Variants in TRAPPC8 observed in about 807,000 individuals in gnomAD.
The protein encoded by TRAPPC8 is trafficking protein particle complex subunit 8.
Under a neutral mutation model 174.3 loss-of-function variants are expected in TRAPPC8, and 54 were observed. The ratio of observed to expected loss-of-function variants is 0.31; its 90% CI spans 0.25 to 0.39. The LOEUF is 0.39. Ranked by LOEUF, TRAPPC8 falls within the 10% of genes least tolerant of loss-of-function variation. TRAPPC8 has a pLI of 1.00. For synonymous variants in TRAPPC8, 630 were observed against 579.9 expected, an observed-to-expected ratio of 1.09 and a Z score of -1.24; for missense variants, 1,531 against 1,699.1, an observed-to-expected ratio of 0.90 and a Z score of 1.74.
chr18:31,900,857 GAAAAA>G, intron 10 of TRAPPC8, 63 bp downstream of exon 10: 17 of 989,718 alleles, frequency 1.7e-5, no homozygotes, highest in South Asian at 5.1e-5. Context: ...TAGGAATGGG[GAAAAA>G]AAAAAAAAAA....
In TRAPPC8 at chr18:31,849,556, T is replaced by C; in HGVS notation, c.3735+10A>G. 6.4e-7 allele frequency: 1 copy of C among 1,573,356 alleles called. No homozygotes were observed. Among genetic ancestry groups the C allele is most frequent in the Non-Finnish European group, 8.6e-7 (1 of 1,159,480 alleles). On this transcript the variant is annotated intron_variant, in intron 25 of 28. Transcript: ENST00000283351. The stretch of plus-strand genomic sequence containing the variant: ...AGTGAGGCTTGCTGAAATAATTTAG[T>C]AGCACATACCTTCCATAATATGACA...
intron 12 of TRAPPC8, among the ~76,000 whole-genome samples, chr18:31,889,878 C>A (rs1183221559): frequency 6.6e-6 from 1 of 152,014 alleles, no homozygotes; most frequent in Admixed American, 6.6e-5. Flanking sequence ...CTTCTTTGTA[C>A]CTTTGAAATA....
chr18:31,875,265 T>C (rs553295501), intron 12 of TRAPPC8, among the ~76,000 whole-genome samples: 1 of 151,438 alleles, frequency 6.6e-6, no homozygotes, highest in Admixed American at 6.6e-5. Flanking sequence ...GAGACTTACA[T>C]TGAATGTATG....
At position 31,897,903 on chromosome 18, in the gene TRAPPC8, A is replaced by G; in HGVS notation, c.1491-12T>C. Reference sequence around the variant, plus strand: ...CCAACACCATATTCCTATAGAAAAAAGGACAAGAAGATAAAATAGCACAAT... The same window carrying G: ...CCAACACCATATTCCTATAGAAAAAGGGACAAGAAGATAAAATAGCACAAT... On this transcript the variant is annotated splice_polypyrimidine_tract_variant and intron_variant, in intron 10 of 28. Transcript: ENST00000283351. The G allele has an allele frequency of 6.2e-7, 1 of 1,603,986 alleles. No homozygotes were observed. The highest frequency in any genetic ancestry group is 1.7e-5 in the Admixed American group (1 of 58,876).
At chr18:31,913,924 G>C (rs1238538968) in intron 4 of TRAPPC8, among the ~76,000 whole-genome samples, 1 of 151,986 alleles carries the variant, frequency 6.6e-6, no homozygotes, top group Non-Finnish European at 1.5e-5. Flanking sequence ...CCAGCACTTT[G>C]GAAGGCCAAG....
intron 11 of TRAPPC8, among the ~76,000 whole-genome samples, chr18:31,897,448 A>T (rs2036230422): frequency 6.6e-6 from 1 of 152,226 alleles, no homozygotes; most frequent in South Asian, 2.1e-4. Context: ...GAGTAACAAA[A>T]AATAAAATAT....
chr18:31,838,444 C>T (rs1040014521), intron 27 of TRAPPC8, among the ~76,000 whole-genome samples: 4 of 152,164 alleles, frequency 2.6e-5, no homozygotes, highest in Non-Finnish European at 5.9e-5. Flanking sequence ...TTGTTAGTTT[C>T]CCTGTATCTC....
intron 11 of TRAPPC8, among the ~76,000 whole-genome samples, chr18:31,892,464 G>A (rs932037473): frequency 6.6e-6 from 1 of 151,902 alleles, no homozygotes; most frequent in Non-Finnish European, 1.5e-5. Flanking sequence ...CTAAATTACC[G>A]ATTGTTTCAT....
At chr18:31,915,755 C>T (rs1403206594) in intron 4 of TRAPPC8, among the ~76,000 whole-genome samples, 5 of 151,866 alleles carry the variant, frequency 3.3e-5, no homozygotes, top group Admixed American at 2.0e-4. Flanking sequence ...GGTGCAGTGG[C>T]GGGCGCCTGT....
intron 5 of TRAPPC8, among the ~76,000 whole-genome samples, chr18:31,910,536 T>C (rs1470737380): frequency 6.6e-6 from 1 of 152,058 alleles, no homozygotes. Context: ...AAAACTAACA[T>C]AGTCACTCCC....
intron 22 of TRAPPC8, 135 bp downstream of exon 22, chr18:31,853,714 T>G: frequency 4.9e-6 from 3 of 611,342 alleles, no homozygotes; most frequent in Non-Finnish European, 8.2e-6. Flanking sequence ...GACTTACAGT[T>G]AGGTAAACTA....
chr18:31,889,982 A>T (rs2035884584), intron 12 of TRAPPC8, among the ~76,000 whole-genome samples: 1 of 152,246 alleles, frequency 6.6e-6, no homozygotes, highest in Admixed American at 6.5e-5. Context: ...TAGTAAATTC[A>T]TATTAACTAA....
rs367826325 is a variant in TRAPPC8, at chr18:31,886,245, G to A, written c.1728+4490C>T. On this transcript the variant is annotated intron_variant, in intron 12 of 28. Transcript: ENST00000283351. ...ACTGGTCTCGAACTCCTGACCTCAG[G>A]TGATCAGCCCACCTTGGCCTCTCAA... Among the ~76,000 whole-genome samples, 7 of 150,852 alleles carry A rather than the reference G, an allele frequency of 4.6e-5. No homozygotes were observed. In the East Asian group the frequency reaches 1.4e-3, roughly 30 times the overall value.
intron 12 of TRAPPC8, 110 bp from the exon 13 acceptor site, chr18:31,874,814 A>C: frequency 1.2e-6 from 1 of 834,402 alleles, no homozygotes; most frequent in Non-Finnish European, 1.8e-6. Context: ...TCTTCCTCTA[A>C]GGGGGACTGG....
chr18:31,914,221 T>C (rs1335898354), intron 4 of TRAPPC8, among the ~76,000 whole-genome samples: 2 of 146,940 alleles, frequency 1.4e-5, no homozygotes, highest in Non-Finnish European at 3.0e-5. Flanking sequence ...ACTAATACTA[T>C]GTAAGCAACA....
rs146032756 is a variant in TRAPPC8 at position 31,840,338 on chromosome 18, C to G, written c.3838-881G>C. Among the ~76,000 whole-genome samples, 346 of 145,250 alleles carry G rather than the reference C, an allele frequency of 2.4e-3. 1 individual carries two copies. The highest frequency in any genetic ancestry group is 8.4e-3 in the African/African-American group (329 of 39,234). On this transcript the variant is annotated intron_variant, in intron 26 of 28. Transcript: ENST00000283351. ...CACCACTGCACTCCAACCTGGGCAACAGAATGTGGCTCTGCCTCAAAATAA... is the reference window on the plus strand; with the variant it reads ...CACCACTGCACTCCAACCTGGGCAAGAGAATGTGGCTCTGCCTCAAAATAA...
intron 19 of TRAPPC8, among the ~76,000 whole-genome samples, chr18:31,863,835 T>C (rs1343865358): frequency 2.6e-5 from 4 of 152,110 alleles, no homozygotes; most frequent in Non-Finnish European, 5.9e-5. Flanking sequence ...AAACTTGAAA[T>C]TTGAAGTGGC....
chr18:31,918,596 T>C (rs1480001949), intron 2 of TRAPPC8, among the ~76,000 whole-genome samples: 1 of 152,208 alleles, frequency 6.6e-6, no homozygotes, highest in Non-Finnish European at 1.5e-5. Context: ...TAAAGAATTA[T>C]CTAGTTCAAA....
intron 24 of TRAPPC8, among the ~76,000 whole-genome samples, chr18:31,851,820 TATTCC>T (rs2033719196): frequency 2.0e-5 from 3 of 152,302 alleles, no homozygotes; most frequent in Admixed American, 1.3e-4. Context: ...ATCATCTATA[TATTCC>T]ATTGTGACCA....
Sources: allele counts gnomAD v4.1 joint callset (sites outside exome capture counted in the v4.1 genomes callset), GRCh38; gene constraint gnomAD v4.1.1; transcripts MANE v1.5; gene names NCBI Gene and HGNC (gene_info 2026-07-23, HGNC 2026-07-21).